Variants in PCDH7 observed in about 807,000 individuals in gnomAD.
PCDH7 encodes protocadherin-7.
A neutral mutation model predicts 58.9 loss-of-function variants in PCDH7; 17 were observed. That is an observed-to-expected ratio of 0.29 (90% CI 0.20 to 0.43). The LOEUF is 0.43. Ranked by LOEUF, PCDH7 falls within the 20% of genes least tolerant of loss-of-function variation. PCDH7 has a pLI of 1.00. For synonymous variants in PCDH7, 664 were observed against 616.4 expected, an observed-to-expected ratio of 1.08 and a Z score of -1.14; for missense variants, 1,274 against 1,441.0, an observed-to-expected ratio of 0.88 and a Z score of 1.88.
At chr4:31,010,987 A>T (rs1417081212) in intron 3 of PCDH7, among the ~76,000 whole-genome samples, 6 of 151,848 alleles carry the variant, frequency 4.0e-5, no homozygotes, top group African/African-American at 1.4e-4. Context: ...CTGTTGAAAT[A>T]TTTTTTCCCC....
Position 30,727,927 on chromosome 4 carries a change from C to T in PCDH7, c.3175-2826C>T, listed in dbSNP as rs956105185. ...GATAGGCTGTTATTTAGATAATGCA[C>T]TTACAAGTAAAAATTTTATTGTATT... On this transcript the variant is annotated intron_variant, in intron 1 of 1. Transcript: ENST00000361762. Among the ~76,000 whole-genome samples, 5 of 151,798 alleles carry T rather than the reference C, an allele frequency of 3.3e-5. No homozygotes were observed. In the South Asian group the frequency reaches 6.2e-4, roughly 19 times the overall value.
intron 3 of PCDH7, among the ~76,000 whole-genome samples, chr4:31,096,286 CT>C (rs1409218608): frequency 6.6e-6 from 1 of 151,996 alleles, no homozygotes; most frequent in Non-Finnish European, 1.5e-5. Context: ...TTATGTTTAC[CT>C]TTTACCAAGT....
exon 2 of PCDH7, chr4:30,730,978 AT>A: frequency 7.9e-7 from 1 of 1,270,202 alleles, no homozygotes; most frequent in Non-Finnish European, 9.9e-7. Flanking sequence ...AAATAAATGT[AT>A]GAAACAGTAT....
At chr4:30,815,050 T>C (rs1206963283) in intron 1 of PCDH7, among the ~76,000 whole-genome samples, 1 of 152,124 alleles carries the variant, frequency 6.6e-6, no homozygotes, top group African/African-American at 2.4e-5. Flanking sequence ...AAAAAGAGAA[T>C]ACAGCTCAAT....
intron 1 of PCDH7, among the ~76,000 whole-genome samples, chr4:30,917,075 C>T (rs1742572321): frequency 6.6e-6 from 1 of 152,174 alleles, no homozygotes; most frequent in African/African-American, 2.4e-5. Context: ...CTCTGCTTTA[C>T]ATTTCTGCTT....
chr4:30,999,939 G>T (rs1268052529), intron 3 of PCDH7, among the ~76,000 whole-genome samples: 1 of 152,148 alleles, frequency 6.6e-6, no homozygotes, highest in Admixed American at 6.5e-5. Context: ...GGCAACATTT[G>T]TATAACCCTA....
At chr4:30,894,504 TATATATATATATACAC>T (rs1354556289) in intron 1 of PCDH7, among the ~76,000 whole-genome samples, 13 of 47,640 alleles carry the variant, frequency 2.7e-4, no homozygotes, top group African/African-American at 3.7e-4. Flanking sequence ...TATATATATA[TATATATATATATACAC>T]ACACACACAC....
At chr4:30,943,111 TATC>T (rs1025796341) in intron 2 of PCDH7, among the ~76,000 whole-genome samples, 1 of 151,990 alleles carries the variant, frequency 6.6e-6, no homozygotes, top group African/African-American at 2.4e-5. Flanking sequence ...TATTGGATAT[TATC>T]ATATTTCTAT....
chr4:30,936,054 G>A (rs1745301474), intron 2 of PCDH7, among the ~76,000 whole-genome samples: 3 of 152,048 alleles, frequency 2.0e-5, no homozygotes, highest in Admixed American at 1.3e-4. Context: ...ACAACGTGAA[G>A]TGGATAACCT....
rs550040557 is a variant in PCDH7 at position 30,920,099 on chromosome 4, A to G, written c.71-54A>G. 6.3e-6 allele frequency: 8 copies of G among 1,271,328 alleles called. No homozygotes were observed. The South Asian group carries it at 8.5e-5, about 13-fold the overall frequency. The allele number at this position is 1,271,328 out of a possible 1,614,324, so 78.8% of individuals were successfully genotyped here. ...ATGTAATTTATGTATTTTTTAAAAT[A>G]AGATCATTTACAATCTTACATCGTA... On this transcript the variant is annotated intron_variant, in intron 1 of 3. Transcript: ENST00000509759.
chr4:31,083,684 C>T (rs1410575850), intron 3 of PCDH7, among the ~76,000 whole-genome samples: 6 of 152,328 alleles, frequency 3.9e-5, no homozygotes, highest in Admixed American at 2.6e-4. Context: ...TCTAAGAGCT[C>T]TCTAGCCTGT....
chr4:31,022,711 G>A (rs957331217), intron 3 of PCDH7, among the ~76,000 whole-genome samples: 1 of 152,072 alleles, frequency 6.6e-6, no homozygotes, highest in Non-Finnish European at 1.5e-5. Context: ...TACCAAATTT[G>A]TCTGTATTTT....
In PCDH7 at chr4:30,722,293, C is replaced by A; in HGVS notation, c.871C>A (p.Gln291Lys). The A allele has an allele frequency of 6.2e-7, 1 of 1,605,886 alleles. No homozygotes were observed. The highest frequency in any genetic ancestry group is 8.5e-7 in the Non-Finnish European group (1 of 1,177,234). ...CGGCGGCGACCCGCCTCGCTCCTCGCAGGCCATCCTACGGGTCCTCATCAC... is the reference window on the plus strand; with the variant it reads ...CGGCGGCGACCCGCCTCGCTCCTCGAAGGCCATCCTACGGGTCCTCATCAC... Residue 291 changes from glutamine (Q) to lysine (K), a missense_variant, in exon 1 of 2, where the codon CAG becomes AAG. Physicochemically the swap from Gln to Lys is moderately conservative, Grantham distance 53. Transcript: ENST00000361762. The surrounding 1 kb of genome is among the most constrained non-coding windows in gnomAD (Gnocchi z 7.6).
intron 3 of PCDH7, among the ~76,000 whole-genome samples, chr4:31,106,024 AT>A (rs1380536451): frequency 8.6e-4 from 101 of 117,252 alleles, no homozygotes; most frequent in Admixed American, 2.3e-3. Flanking sequence ...GAAAAAAAAA[AT>A]ATATATATAT....
intron 3 of PCDH7, among the ~76,000 whole-genome samples, chr4:31,085,850 TC>T (rs1323297970): frequency 2.1e-5 from 3 of 140,568 alleles, no homozygotes; most frequent in South Asian, 2.4e-4. Context: ...TCTCTCTCTC[TC>T]TCTTTTTTTT....
At chr4:30,860,837 CA>C (rs1479882131) in intron 1 of PCDH7, among the ~76,000 whole-genome samples, 1 of 152,022 alleles carries the variant, frequency 6.6e-6, no homozygotes, top group African/African-American at 2.4e-5. Context: ...GTTTAAGGCT[CA>C]AGGAGGAAGG....
At chr4:30,770,388 A>G (rs1170244365) in intron 1 of PCDH7, among the ~76,000 whole-genome samples, 3 of 152,206 alleles carry the variant, frequency 2.0e-5, no homozygotes, top group African/African-American at 4.8e-5. Context: ...GAAATGGTTT[A>G]TGACTTCCTG....
At chr4:31,126,293 T>A (rs1295376030) in intron 3 of PCDH7, among the ~76,000 whole-genome samples, 5 of 151,946 alleles carry the variant, frequency 3.3e-5, no homozygotes, top group African/African-American at 1.2e-4. Flanking sequence ...GTAGCTAGGA[T>A]TACAGGTGCA....
chr4:30,722,554 G>C lies in PCDH7; in HGVS notation c.1132G>C (p.Val378Leu). 1.2e-6 allele frequency: 2 copies of C among 1,612,722 alleles called. No individual in the cohort carries two copies. The highest frequency in any genetic ancestry group is 1.7e-6 in the Non-Finnish European group (2 of 1,179,994). ...CCTGCACCGGATCGACCGCGAGGAG[G>C]TGAACCAGCTGCGCTTCACGGTCAT... Residue 378 changes from valine (V) to leucine (L), a missense_variant, in exon 1 of 2, where the codon GTG becomes CTG. Physicochemically the swap from Val to Leu is conservative, Grantham distance 32. This residue lies in a region of PCDH7 where 331 missense variants were observed against 303.2 expected (regional missense o/e 1.09). Coordinates refer to ENST00000361762, the Ensembl canonical transcript of PCDH7. This position sits in a 1 kb window ranked among gnomAD's most constrained non-coding sequence, Gnocchi z 7.6.
Sources: allele counts gnomAD v4.1 joint callset (sites outside exome capture counted in the v4.1 genomes callset), GRCh38; gene constraint gnomAD v4.1.1; regional missense constraint gnomAD v4.1.1; non-coding constraint Gnocchi (gnomAD v3.1); transcripts MANE v1.5; gene names NCBI Gene and HGNC (gene_info 2026-07-23, HGNC 2026-07-21).